CCDC157: variants seen among roughly 807,000 people sequenced by gnomAD.
CCDC157 encodes coiled-coil domain-containing protein 157.
In CCDC157, 60 loss-of-function variants were observed where a neutral mutation model predicts 70.9. The observed-to-expected ratio is 0.85, with a 90% CI of 0.69 to 1.05. The LOEUF is 1.05. Among genes scored for constraint, CCDC157 ranks in the 50% least tolerant of loss-of-function variants. The probability of loss-of-function intolerance (pLI) is 0.00; values close to 1 mark genes in which losing one functional copy is unlikely to be tolerated. For missense variants in CCDC157, 943 were observed against 984.2 expected (o/e 0.96, Z 0.56); for synonymous variants, 373 against 422.4 (o/e 0.88, Z 1.43).
chr22:30,369,601 C>A lies in CCDC157; in HGVS notation c.418C>A (p.Gln140Lys). The A allele has an allele frequency of 6.4e-7, 1 of 1,551,174 alleles. No individual in the cohort carries two copies. The highest frequency in any genetic ancestry group is 8.7e-7 in the Non-Finnish European group (1 of 1,151,486). The change falls in exon 4 of 12, where the codon CAG becomes AAG. Residue 140 changes from glutamine (Q) to lysine (K), a missense_variant and splice_region_variant. Transcript: ENST00000338306. The part of the protein sequence containing the change: ...LGTLHQQPLP[Q>K]KGANQRETPT... ...CACGCTCCACCAGCAGCCACTCCCC[C>A]AGGTGGGTCCCAGCCTCTGTCTCAG...
upstream of CCDC157, chr22:30,356,862 C>A (rs943301847): frequency 1.5e-5 from 18 of 1,235,712 alleles, no homozygotes; most frequent in South Asian, 2.6e-5. Context: ...ACAGCCTCCC[C>A]GCTCGGTCAG....
At position 30,370,852 on chromosome 22, in the gene CCDC157, AG is replaced by A; in HGVS notation, c.949del (p.Ala317ArgfsTer2). On this transcript the variant is annotated frameshift_variant, in exon 5 of 12. Coordinates refer to ENST00000338306, the MANE Select transcript of CCDC157 (RefSeq NM_001017437.5). LOFTEE classifies it high-confidence loss of function. ...GLRKQAGKLE[Q>X]ALKQEQGARR... ...AGGAAGCAGGCGGGCAAGCTGGAGC[AG>A]GCGCTGAAACAGGAGCAGGGGGCAC... is the stretch of plus-strand genomic sequence containing the variant. The A allele has an allele frequency of 6.2e-7, 1 of 1,612,558 alleles. No individual in the cohort carries two copies. Among genetic ancestry groups the A allele is most frequent in the African/African-American group, 1.3e-5 (1 of 75,056 alleles).
chr22:30,371,687 G>A lies in CCDC157; in HGVS notation c.1083G>A (p.Glu361=). 1 of 1,614,206 alleles carries A rather than the reference G, an allele frequency of 6.2e-7. No individual in the cohort carries two copies. Among genetic ancestry groups the A allele is most frequent in the Non-Finnish European group, 8.5e-7 (1 of 1,180,028 alleles). The change falls in exon 6 of 12, where the codon GAG becomes GAA. Residue 361 remains glutamate, a synonymous_variant. Transcript: ENST00000338306. ...SDLKTKMATL[E]RELKQQREST... is the part of the protein sequence containing the mutation. ...TAAAGACAAAGATGGCCACCCTGGAGAGAGAACTGAAACAGCAGCGGGAGT... is the reference window on the plus strand; with the variant it reads ...TAAAGACAAAGATGGCCACCCTGGAAAGAGAACTGAAACAGCAGCGGGAGT...
intron 4 of CCDC157, chr22:30,369,964 T>C: frequency 2.1e-6 from 1 of 465,862 alleles, no homozygotes; most frequent in South Asian, 3.1e-5. Flanking sequence ...GTTCCCATGA[T>C]GGGAAGGAAA....
chr22:30,369,944 A>T (rs1932862283), intron 4 of CCDC157: 2 of 459,284 alleles, frequency 4.4e-6, no homozygotes, highest in South Asian at 6.7e-5. Flanking sequence ...CCCACTGGGG[A>T]AGAACCACTG....
chr22:30,357,608 G>C (rs1206586326), intron 1 of CCDC157, among the ~76,000 whole-genome samples: 1 of 151,532 alleles, frequency 6.6e-6, no homozygotes, highest in Non-Finnish European at 1.5e-5. Flanking sequence ...GAGTTCAAGC[G>C]ATTCTCCTGC....
At chr22:30,370,299 C>A (rs1217141976) in intron 4 of CCDC157, 27 bp from the exon 5 acceptor site, 1 of 1,608,488 alleles carries the variant, frequency 6.2e-7, no homozygotes, top group Non-Finnish European at 8.5e-7. Flanking sequence ...CCCTCACCTG[C>A]TTTCCCTTGT....
chr22:30,374,046 G>C lies in CCDC157; in HGVS notation c.1627G>C (p.Val543Leu). Residue 543 changes from valine to leucine, a missense_variant, in exon 9 of 12, where the codon GTG becomes CTG. Physicochemically the swap from Val to Leu is conservative, Grantham distance 32. Transcript: ENST00000338306. ...EELKERERLLVAFPDLHRPTE... is the reference protein window; with the variant it reads ...EELKERERLLLAFPDLHRPTE... ...GCTGAAGGAGCGGGAGCGGCTGCTG[G>C]TGGCCTTCCCAGACCTGCACAGGCC... is the stretch of plus-strand genomic sequence containing the variant. The C allele has an allele frequency of 6.2e-7, 1 of 1,606,890 alleles. No homozygotes were observed. Among genetic ancestry groups the C allele is most frequent in the Middle Eastern group, 1.8e-4 (1 of 5,690 alleles).
chr22:30,360,085 A>G (rs1324861993), intron 1 of CCDC157, among the ~76,000 whole-genome samples: 1 of 152,192 alleles, frequency 6.6e-6, no homozygotes, highest in Non-Finnish European at 1.5e-5. Context: ...TAAAGGTTAC[A>G]ATGAGCTATG....
intron 2 of CCDC157, among the ~76,000 whole-genome samples, chr22:30,364,579 T>C (rs5753097): frequency 0.2 from 30,677 of 152,126 alleles, 3,360 homozygotes; most frequent in Middle Eastern, 0.35. Flanking sequence ...GAGGCCAAGG[T>C]GGATGGATCA....
At chr22:30,371,627 G>A in intron 5 of CCDC157, 23 bp from the exon 6 acceptor site, 2 of 1,602,392 alleles carry the variant, frequency 1.2e-6, no homozygotes, top group Non-Finnish European at 8.6e-7. Context: ...CCCTCTGAAG[G>A]GCCTCTCTCT....
Position 30,376,985 on chromosome 22 carries a change from C to A in CCDC157, c.*240C>A. The A allele has an allele frequency of 1.7e-6, 1 of 583,866 alleles. No individual in the cohort carries two copies. The highest frequency in any genetic ancestry group is 2.1e-5 in the South Asian group (1 of 48,386). The allele number at this position is 583,866 out of a possible 1,614,324, so 36.2% of individuals were successfully genotyped here. ...AGGGGCCTTCCTGCTTCCCTCCCGACAGAGGCTGTGGGATAGGAGAGTACA... is the reference window on the plus strand; with the variant it reads ...AGGGGCCTTCCTGCTTCCCTCCCGAAAGAGGCTGTGGGATAGGAGAGTACA... On this transcript the variant is annotated 3_prime_UTR_variant, in exon 12 of 12. Coordinates refer to ENST00000338306, the MANE Select transcript of CCDC157 (RefSeq NM_001017437.5).
At position 30,372,287 on chromosome 22, in the gene CCDC157, G is replaced by A. The variant is rs1407253634; in HGVS notation, c.1335+1G>A. 6.4e-7 allele frequency: 1 copy of A among 1,560,448 alleles called. No individual in the cohort carries two copies. The highest frequency in any genetic ancestry group is 1.9e-5 in the Admixed American group (1 of 53,992). ...CGACAGCATGGTCCGCCACCAGGAG[G>A]TGAGGCCAGGGCCCTCGCTAGCCTG... On this transcript the variant is annotated splice_donor_variant, in intron 7 of 11. Coordinates refer to ENST00000338306, the MANE Select transcript of CCDC157 (RefSeq NM_001017437.5). LOFTEE classifies it high-confidence loss of function.
intron 2 of CCDC157, among the ~76,000 whole-genome samples, chr22:30,363,734 G>C (rs1397517873): frequency 6.9e-6 from 1 of 144,314 alleles, no homozygotes; most frequent in African/African-American, 2.6e-5. Flanking sequence ...TGTCACCCAG[G>C]CTGGAGTGCA....
intron 4 of CCDC157, chr22:30,369,929 A>C: frequency 2.2e-6 from 1 of 462,028 alleles, no homozygotes; most frequent in East Asian, 3.5e-5. Context: ...TAATCCACAC[A>C]ACCACCCACT....
intron 9 of CCDC157, 164 bp downstream of exon 9, chr22:30,374,255 A>G (rs1436247511): frequency 5.2e-6 from 4 of 767,516 alleles, no homozygotes; most frequent in Middle Eastern, 2.3e-4. Context: ...ACAGCACGCA[A>G]GTGCTTCATG....
chr22:30,362,840 G>A (rs1671622938), intron 2 of CCDC157, among the ~76,000 whole-genome samples: 1 of 152,208 alleles, frequency 6.6e-6, no homozygotes, highest in South Asian at 2.1e-4. Flanking sequence ...GCTAAGCCAG[G>A]TGCACTCAGT....
At chr22:30,366,553 A>G in intron 3 of CCDC157, 4 of 441,612 alleles carry the variant, frequency 9.1e-6, no homozygotes, top group Non-Finnish European at 1.3e-5. Flanking sequence ...AGCCTCTCCC[A>G]GCTGCCTCCT....
chr22:30,375,743 AC>A, intron 10 of CCDC157, 80 bp downstream of exon 10: 1 of 1,289,580 alleles, frequency 7.8e-7, no homozygotes, highest in Non-Finnish European at 1.1e-6. Flanking sequence ...TGCCCCGGGA[AC>A]TTGTGGAGAG....
Sources: allele counts gnomAD v4.1 joint callset (sites outside exome capture counted in the v4.1 genomes callset), GRCh38; gene constraint gnomAD v4.1.1; transcripts MANE v1.5; gene names NCBI Gene and HGNC (gene_info 2026-07-23, HGNC 2026-07-21).